The following DMBX1 variants were observed in gnomAD, a reference collection of about 807,000 sequenced individuals.
DMBX1 encodes diencephalon/mesencephalon homeobox protein 1.
A neutral mutation model predicts 30.4 loss-of-function variants in DMBX1; 7 were observed. The observed-to-expected ratio is 0.23, with a 90% confidence interval of 0.13 to 0.43. The LOEUF is 0.43. Ranked by LOEUF, DMBX1 falls within the 20% of genes least tolerant of loss-of-function variation. DMBX1 has a pLI of 1.00. For missense variants in DMBX1, 460 were observed against 508.5 expected, an observed-to-expected ratio of 0.90 and a Z score of 0.92; for synonymous variants, 222 against 214.2, an observed-to-expected ratio of 1.04 and a Z score of -0.32.
chr1:46,512,269 C>T lies in DMBX1; in HGVS notation c.909C>T (p.Asn303=). ...CTGCTGTGCCCTACCTGGGCGTCAA[C>T]ATGGCCCCGCTGGGCTCACTGCACT... ...AAAAVPYLGV[N]MAPLGSLHCQ... is the part of the protein sequence containing the mutation. Residue 303 remains asparagine, a synonymous_variant, in exon 6 of 6, where the codon AAC becomes AAT. Coordinates refer to ENST00000360032, the MANE Select transcript of DMBX1 (RefSeq NM_172225.2). The surrounding 1 kb of genome is among the most constrained non-coding windows in gnomAD (Gnocchi z 4.8). 6.2e-7 allele frequency: 1 copy of T among 1,613,598 alleles called. No homozygotes were observed. The highest frequency in any genetic ancestry group is 1.3e-5 in the African/African-American group (1 of 75,026).
chr1:46,511,396 A>G, intron 5 of DMBX1, 113 bp downstream of exon 5: 1 of 1,216,230 alleles, frequency 8.2e-7, no homozygotes, highest in East Asian at 2.6e-5. Context: ...ATCAGAAAGG[A>G]CTGACCACAG....
chr1:46,511,891 A>AGAG, intron 5 of DMBX1, 152 bp from the exon 6 acceptor site: 1 of 816,274 alleles, frequency 1.2e-6, no homozygotes, highest in Non-Finnish European at 1.9e-6. Flanking sequence ...GCCTTGCTTC[A>AGAG]GGGGATGCTC....
At chr1:46,497,506 A>G (rs1666045654) in intron 2 of DMBX1, among the ~76,000 whole-genome samples, 1 of 152,180 alleles carries the variant, frequency 6.6e-6, no homozygotes, top group Admixed American at 6.5e-5. Flanking sequence ...GAAGAAACAG[A>G]GGGAAAATTA....
rs367639229 is a variant in DMBX1 at position 46,507,031 on chromosome 1, C to A, written c.21C>A (p.Asn7Lys). 1.2e-6 allele frequency: 2 copies of A among 1,614,084 alleles called. No individual in the cohort carries two copies. The highest frequency in any genetic ancestry group is 1.7e-6 in the Non-Finnish European group (2 of 1,180,044). The change falls in exon 3 of 6, where the codon AAC becomes AAA. Residue 7 changes from asparagine (N) to lysine (K), a missense_variant. By Grantham distance (94) the Asn-to-Lys change is moderately conservative. Transcript: ENST00000360032. MQHYGV[N>K]GYSLHAMNSL... ...CCGCCATGCAGCACTACGGGGTGAA[C>A]GGCTACTCACTGCACGCCATGAACT...
At chr1:46,507,412 C>G (rs1666262277) in intron 3 of DMBX1, among the ~76,000 whole-genome samples, 1 of 152,180 alleles carries the variant, frequency 6.6e-6, no homozygotes, top group Non-Finnish European at 1.5e-5. Context: ...CAAAACAAGC[C>G]TGTGAGGGAG....
intron 3 of DMBX1, among the ~76,000 whole-genome samples, chr1:46,507,430 T>C (rs1480387387): frequency 6.6e-6 from 1 of 152,166 alleles, no homozygotes; most frequent in Non-Finnish European, 1.5e-5. Context: ...GAGGCATTCA[T>C]TAGCCCTATC....
intron 2 of DMBX1, among the ~76,000 whole-genome samples, chr1:46,496,950 C>T (rs542715932): frequency 6.6e-6 from 1 of 152,204 alleles, no homozygotes; most frequent in Non-Finnish European, 1.5e-5. Context: ...AGTGGCCTCT[C>T]CCCTCAGAGT....
rs1340487155 is a variant in DMBX1, at chr1:46,493,634, C to G, written c.-13+2851C>G. 6.6e-6 allele frequency among the ~76,000 whole-genome samples: 1 copy of G among 152,248 alleles called. No individual in the cohort carries two copies. Among genetic ancestry groups the G allele is most frequent in the Non-Finnish European group, 1.5e-5 (1 of 68,046 alleles). ...CATTTCCCAGATGGGGTCACTCCTT[C>G]CCTCTGGTCTACAGCCACTGTGGGC... On this transcript the variant is annotated intron_variant, in intron 2 of 5. Coordinates refer to ENST00000360032, the MANE Select transcript of DMBX1 (RefSeq NM_172225.2). This position sits in a 1 kb window ranked among gnomAD's most constrained non-coding sequence, Gnocchi z 4.1.
intron 3 of DMBX1, among the ~76,000 whole-genome samples, 181 bp downstream of exon 3, chr1:46,507,345 C>A (rs1020810373): frequency 6.6e-6 from 1 of 152,210 alleles, no homozygotes; most frequent in Admixed American, 6.5e-5. Context: ...ATCCAGAGTG[C>A]CTTTTGTTTG....
At chr1:46,506,301 G>T (rs184856629) in intron 2 of DMBX1, among the ~76,000 whole-genome samples, 2 of 152,142 alleles carry the variant, frequency 1.3e-5, no homozygotes, top group South Asian at 2.1e-4. Flanking sequence ...CAGGTGATCC[G>T]CCTGCCTTGG....
intron 2 of DMBX1, among the ~76,000 whole-genome samples, chr1:46,494,341 T>C (rs1195509066): frequency 6.6e-6 from 1 of 152,180 alleles, no homozygotes; most frequent in African/African-American, 2.4e-5. Context: ...AGCCGCCTGA[T>C]TTCTCTGCAC....
rs764250449 is a variant in DMBX1 at position 46,501,213 on chromosome 1, C to CCTTTCTTT, written c.-12-5735_-12-5728dup. Among the ~76,000 whole-genome samples the CCTTTCTTT allele has an allele frequency of 2.4e-3, 179 of 74,552 alleles. 2 individuals carry two copies. The highest frequency in any genetic ancestry group is 0.016 in the South Asian group (24 of 1,516). 48.9% of individuals were successfully genotyped at this position (74,552 alleles called of 152,430 possible). Reference sequence around the variant, plus strand: ...CTCTCCCTTCCTTCCTTCCTTCCTTCCTTTCTTTCTTTCTTTCTTTCTTTC... The same window carrying CCTTTCTTT: ...CTCTCCCTTCCTTCCTTCCTTCCTTCCTTTCTTTCTTTCTTTCTTTCTTTCTTTCTTTC... On this transcript the variant is annotated intron_variant, in intron 2 of 5. Coordinates refer to ENST00000360032, the MANE Select transcript of DMBX1 (RefSeq NM_172225.2).
In DMBX1 at chr1:46,510,747, C is replaced by T. The variant is rs1362461656; in HGVS notation, c.333+93C>T. ...AGGAGCCAGCATGTCATCCCTGTGC[C>T]AAGGTGCAACTGATCTCTCCATCAA... On this transcript the variant is annotated intron_variant, in intron 4 of 5. Transcript: ENST00000360032. This position sits in a 1 kb window ranked among gnomAD's most constrained non-coding sequence, Gnocchi z 4.1. 40 of 1,460,980 alleles carry T rather than the reference C, an allele frequency of 2.7e-5. No individual in the cohort carries two copies. Among genetic ancestry groups the T allele is most frequent in the Non-Finnish European group, 3.2e-5 (35 of 1,085,814 alleles). 90.5% of individuals were successfully genotyped at this position (1,460,980 alleles called of 1,614,324 possible). A position where few individuals can be genotyped will look rare whatever the true frequency, so the allele number is the denominator to read the frequency against.
In DMBX1 at chr1:46,511,430, C is replaced by T. The variant is rs778155717; in HGVS notation, c.682+147C>T. On this transcript the variant is annotated intron_variant, in intron 5 of 5. Transcript: ENST00000360032. ...AGCAGGCCTGGGCCAGGTTTTCACC[C>T]TTTAGTTGCAGAGCCGTGGGAAGGT... 7.1e-6 allele frequency: 7 copies of T among 980,736 alleles called. No individual in the cohort carries two copies. In the African/African-American group the frequency reaches 1.1e-4, roughly 16 times the overall value. 60.8% of individuals were successfully genotyped at this position (980,736 alleles called of 1,614,324 possible).
In DMBX1 at chr1:46,507,001, G is replaced by A. The variant is rs755901742; in HGVS notation, c.-10G>A. The A allele has an allele frequency of 2.6e-5, 42 of 1,613,820 alleles. No individual in the cohort carries two copies. The South Asian group carries it at 2.6e-4, about 10-fold the overall frequency. On this transcript the variant is annotated splice_region_variant and 5_prime_UTR_variant, in exon 3 of 6. Coordinates refer to ENST00000360032, the MANE Select transcript of DMBX1 (RefSeq NM_172225.2). ...CCCTCTCCCTTTTCCGTCTGTAGGC[G>A]GATGCCGCCATGCAGCACTACGGGG...
chr1:46,492,632 C>T (rs1665950581), intron 2 of DMBX1, among the ~76,000 whole-genome samples: 1 of 152,090 alleles, frequency 6.6e-6, no homozygotes, highest in Non-Finnish European at 1.5e-5. Flanking sequence ...ATTCTGTGTG[C>T]GCACACATAT....
intron 1 of DMBX1, among the ~76,000 whole-genome samples, chr1:46,490,198 A>T (rs1366071872): frequency 6.6e-6 from 1 of 152,176 alleles, no homozygotes; most frequent in Non-Finnish European, 1.5e-5. Flanking sequence ...GAAAGAGCGC[A>T]GAACTCGAAA....
rs34614765 is a variant in DMBX1, at chr1:46,511,199, G to C, written c.598G>C (p.Ala200Pro). 12,448 of 1,613,426 alleles carry C rather than the reference G, an allele frequency of 7.7e-3. 869 individuals are homozygous for C. The African/African-American group carries it at 0.15, about 19-fold the overall frequency. ...GCCGGACCGTGAGGAGGACCCCAGG[G>C]CAGGGGCTGAGGACCCCAAAGCTGA... ...DQPDREEDPR[A>P]GAEDPKAEKS... Residue 200 changes from alanine (A) to proline (P), a missense_variant, in exon 5 of 6, where the codon GCA becomes CCA. Physicochemically the swap from Ala to Pro is conservative, Grantham distance 27. Around this residue, in one of 3 missense-constraint regions of DMBX1, gnomAD observed 334 missense variants for 345.1 expected, o/e 0.97. Coordinates refer to ENST00000360032, the MANE Select transcript of DMBX1 (RefSeq NM_172225.2).
At chr1:46,505,348 C>G (rs529675595) in intron 2 of DMBX1, among the ~76,000 whole-genome samples, 25 of 144,598 alleles carry the variant, frequency 1.7e-4, no homozygotes, top group African/African-American at 6.2e-4. Flanking sequence ...TTGGAACCAA[C>G]CCAAATGTCC....
Sources: allele counts gnomAD v4.1 joint callset (sites outside exome capture counted in the v4.1 genomes callset), GRCh38; gene constraint gnomAD v4.1.1; regional missense constraint gnomAD v4.1.1; non-coding constraint Gnocchi (gnomAD v3.1); transcripts MANE v1.5; gene names NCBI Gene and HGNC (gene_info 2026-07-23, HGNC 2026-07-21).